GRIK2: variants seen among roughly 807,000 people sequenced by gnomAD.
The protein encoded by GRIK2 is glutamate ionotropic receptor kainate type subunit 2, also known as glutamate receptor ionotropic, kainate 2.
A neutral mutation model predicts 100.3 loss-of-function variants in GRIK2; 32 were observed. The ratio of observed to expected loss-of-function variants is 0.32; its 90% CI spans 0.24 to 0.43. GRIK2 has a LOEUF of 0.43. Ranked by LOEUF, GRIK2 falls within the 20% of genes least tolerant of loss-of-function variation. The pLI is 1.00. For missense variants in GRIK2, 843 were observed against 1,114.9 expected (o/e 0.76, Z 3.47); for synonymous variants, 417 against 389.4 (o/e 1.07, Z -0.83).
At chr6:102,040,957 G>T (rs891338373) in intron 15 of GRIK2, among the ~76,000 whole-genome samples, 2 of 151,460 alleles carry the variant, frequency 1.3e-5, no homozygotes, top group Non-Finnish European at 3.0e-5. Context: ...AATATTTGAA[G>T]TGATTTTGCA....
intron 7 of GRIK2, among the ~76,000 whole-genome samples, chr6:101,776,718 T>A (rs1778770053): frequency 6.6e-6 from 1 of 152,238 alleles, no homozygotes; most frequent in South Asian, 2.1e-4. Flanking sequence ...GTAACTTATA[T>A]GTACTCAATT....
At chr6:101,701,735 T>A (rs1772912021) in intron 7 of GRIK2, among the ~76,000 whole-genome samples, 1 of 152,106 alleles carries the variant, frequency 6.6e-6, no homozygotes, top group South Asian at 2.1e-4. Context: ...ATATAGATAT[T>A]ACTCACTTTT....
intron 11 of GRIK2, among the ~76,000 whole-genome samples, chr6:101,873,006 A>G (rs1785531684): frequency 6.6e-6 from 1 of 151,838 alleles, no homozygotes; most frequent in Admixed American, 6.6e-5. Flanking sequence ...CTGGTTCTGA[A>G]TCTTAGTTAT....
At chr6:101,787,932 G>C (rs112637703) in intron 7 of GRIK2, among the ~76,000 whole-genome samples, 5,068 of 152,060 alleles carry the variant, frequency 0.033, 195 homozygotes, top group African/African-American at 0.094. Flanking sequence ...TAGTCTGTCT[G>C]TCTCTTTAGA....
chr6:101,525,248 A>G (rs1353061668), intron 2 of GRIK2, among the ~76,000 whole-genome samples: 1 of 152,200 alleles, frequency 6.6e-6, no homozygotes, highest in Admixed American at 6.5e-5. Flanking sequence ...TCTTTCTCAC[A>G]TATTCAATTA....
At chr6:101,548,271 G>T (rs1403455139) in intron 2 of GRIK2, among the ~76,000 whole-genome samples, 3 of 152,062 alleles carry the variant, frequency 2.0e-5, no homozygotes, top group Non-Finnish European at 2.9e-5. Flanking sequence ...TTTGTAGGTT[G>T]CCTGTTCACT....
intron 15 of GRIK2, among the ~76,000 whole-genome samples, chr6:102,045,917 G>A (rs1329695264): frequency 6.6e-6 from 1 of 152,030 alleles, no homozygotes; most frequent in Non-Finnish European, 1.5e-5. Context: ...GTGGCTGCAT[G>A]TATTTTTAAA....
intron 2 of GRIK2, among the ~76,000 whole-genome samples, chr6:101,519,998 C>A (rs1396952584): frequency 1.3e-5 from 2 of 152,090 alleles, no homozygotes; most frequent in African/African-American, 4.8e-5. Context: ...CAGAAGGATA[C>A]ATGAGAAGGA....
intron 14 of GRIK2, among the ~76,000 whole-genome samples, chr6:101,957,338 C>CT (rs1379858696): frequency 6.6e-5 from 10 of 151,600 alleles, no homozygotes; most frequent in Non-Finnish European, 1.2e-4. Context: ...TTTTAATGGG[C>CT]TTGTTTTTGT....
intron 2 of GRIK2, among the ~76,000 whole-genome samples, chr6:101,423,073 GCTGACT>G (rs1375792870): frequency 1.2e-4 from 19 of 152,292 alleles, no homozygotes; most frequent in East Asian, 3.9e-4. Context: ...TGACTATTCA[GCTGACT>G]CTAACAATGA....
At chr6:101,457,110 G>T (rs186208366) in intron 2 of GRIK2, among the ~76,000 whole-genome samples, 1 of 152,158 alleles carries the variant, frequency 6.6e-6, no homozygotes, top group Non-Finnish European at 1.5e-5. Flanking sequence ...ATGACTATAA[G>T]TAAAAATGAC....
intron 2 of GRIK2, among the ~76,000 whole-genome samples, chr6:101,532,069 C>G (rs1229116443): frequency 6.6e-6 from 1 of 151,856 alleles, no homozygotes; most frequent in East Asian, 1.9e-4. Context: ...CTCTCAATTT[C>G]TCAGGTTACA....
At chr6:101,629,541 T>A (rs1020069997) in intron 4 of GRIK2, among the ~76,000 whole-genome samples, 1 of 152,112 alleles carries the variant, frequency 6.6e-6, no homozygotes, top group African/African-American at 2.4e-5. Flanking sequence ...AATGGGATAA[T>A]TGCACTTGTA....
At chr6:101,663,909 C>T (rs541634866) in intron 4 of GRIK2, among the ~76,000 whole-genome samples, 31 of 152,264 alleles carry the variant, frequency 2.0e-4, no homozygotes, top group African/African-American at 6.5e-4. Context: ...CAAATCACAC[C>T]AGTCTGGGAC....
intron 13 of GRIK2, among the ~76,000 whole-genome samples, chr6:101,925,820 G>A (rs966790086): frequency 6.6e-6 from 1 of 151,856 alleles, no homozygotes; most frequent in Non-Finnish European, 1.5e-5. Flanking sequence ...TCTAAAAAAG[G>A]CATCGTGCTA....
intron 7 of GRIK2, among the ~76,000 whole-genome samples, chr6:101,720,845 A>G (rs1583020823): frequency 6.6e-6 from 1 of 152,084 alleles, no homozygotes; most frequent in East Asian, 1.9e-4. Flanking sequence ...TTTTGTTTTC[A>G]GAATTATTTT....
chr6:101,502,565 G>A (rs1773815104), intron 2 of GRIK2, among the ~76,000 whole-genome samples: 1 of 152,048 alleles, frequency 6.6e-6, no homozygotes, highest in Non-Finnish European at 1.5e-5. Flanking sequence ...GAATATATAT[G>A]TAATTGCATT....
At chr6:101,543,374 C>T (rs1008453439) in intron 2 of GRIK2, among the ~76,000 whole-genome samples, 1 of 152,114 alleles carries the variant, frequency 6.6e-6, no homozygotes, top group Non-Finnish European at 1.5e-5. Context: ...AAATGTAAAC[C>T]TTTCTACAAA....
chr6:101,865,045 A>G (rs1046702461), intron 11 of GRIK2, among the ~76,000 whole-genome samples: 9 of 152,184 alleles, frequency 5.9e-5, no homozygotes, highest in Non-Finnish European at 8.8e-5. Flanking sequence ...ATAAATGCTT[A>G]CTTTTTAAAT....
Sources: gnomAD v4.1 joint callset for allele counts (sites outside exome capture counted in the v4.1 genomes callset) on GRCh38, gnomAD v4.1.1 for gene constraint, MANE v1.5 for transcripts, NCBI Gene and HGNC (gene_info 2026-07-23, HGNC 2026-07-21) for gene names.